The following CLPTM1L variants were observed in gnomAD, a reference collection of about 807,000 sequenced individuals.
CLPTM1L encodes lipid scramblase CLPTM1L.
In CLPTM1L, 38 loss-of-function variants were observed where a neutral mutation model predicts 70.9. The observed-to-expected ratio is 0.54, with a 90% CI of 0.41 to 0.70. The LOEUF is 0.70. CLPTM1L is among the 30% of genes least tolerant of loss of function. The probability of loss-of-function intolerance (pLI) is 0.00; values close to 1 mark genes in which losing one functional copy is unlikely to be tolerated. For synonymous variants in CLPTM1L, 339 were observed against 299.9 expected, an observed-to-expected ratio of 1.13 and a Z score of -1.35; for missense variants, 652 against 705.9, an observed-to-expected ratio of 0.92 and a Z score of 0.87.
intron 16 of CLPTM1L, chr5:1,320,327 A>G: frequency 6.0e-6 from 2 of 331,044 alleles, no homozygotes; most frequent in Non-Finnish European, 5.5e-6. Context: ...TAGGTAAATA[A>G]ATCGCTTAAG....
At chr5:1,344,541 G>A in intron 1 of CLPTM1L, 90 bp from the exon 2 acceptor site, 1 of 1,469,708 alleles carries the variant, frequency 6.8e-7, no homozygotes, top group Non-Finnish European at 9.4e-7. Flanking sequence ...CGGAAGACCT[G>A]GCCGCTGGGG....
intron 3 of CLPTM1L, among the ~76,000 whole-genome samples, chr5:1,341,047 T>C (rs1035464581): frequency 3.9e-5 from 6 of 152,244 alleles, no homozygotes; most frequent in Admixed American, 3.9e-4. Context: ...ATTACAGGCA[T>C]GAGCCACTGC....
At chr5:1,338,794 C>T (rs929628431) in intron 4 of CLPTM1L, 66 bp downstream of exon 4, 8 of 1,593,672 alleles carry the variant, frequency 5.0e-6, no homozygotes, top group Admixed American at 3.4e-5. Flanking sequence ...GACCTGCTGG[C>T]GAGTTCTGGC....
rs1442349485 is a variant in CLPTM1L at position 1,341,863 on chromosome 5, G to A, written c.264-3C>T. ...TTGGTACAGAAACATTAACTGTCCTGAAACAGAACAATCATTTCCACTACA... is the reference window on the plus strand; with the variant it reads ...TTGGTACAGAAACATTAACTGTCCTAAAACAGAACAATCATTTCCACTACA... On this transcript the variant is annotated splice_polypyrimidine_tract_variant and splice_region_variant and intron_variant, in intron 2 of 16. Coordinates refer to ENST00000320895, the MANE Select transcript of CLPTM1L (RefSeq NM_030782.5). 12 of 1,606,684 alleles carry A rather than the reference G, an allele frequency of 7.5e-6. No homozygotes were observed. The highest frequency in any genetic ancestry group is 6.6e-5 in the South Asian group (6 of 90,740).
rs1211121981 is a variant in CLPTM1L at position 1,341,867 on chromosome 5, CAG to C, written c.264-9_264-8del. On this transcript the variant is annotated splice_polypyrimidine_tract_variant and splice_region_variant and intron_variant, in intron 2 of 16. Transcript: ENST00000320895. ...TACAGAAACATTAACTGTCCTGAAACAGAACAATCATTTCCACTACATACATA... is the reference window on the plus strand; with the variant it reads ...TACAGAAACATTAACTGTCCTGAAACAACAATCATTTCCACTACATACATA... The C allele has an allele frequency of 6.2e-7, 1 of 1,604,014 alleles. No individual in the cohort carries two copies. The highest frequency in any genetic ancestry group is 1.3e-5 in the African/African-American group (1 of 74,774).
intron 3 of CLPTM1L, 29 bp from the exon 4 acceptor site, chr5:1,339,034 G>A (rs768606913): frequency 6.2e-7 from 1 of 1,604,776 alleles, no homozygotes. Flanking sequence ...AGAGGCCAAT[G>A]CTGGGACAGA....
At chr5:1,332,061 G>C in intron 7 of CLPTM1L, 178 bp from the exon 8 acceptor site, 1 of 610,762 alleles carries the variant, frequency 1.6e-6, no homozygotes. Context: ...TGCCATGTCA[G>C]AACCTAGAGT....
Position 1,342,294 on chromosome 5 carries a change from G to A in CLPTM1L, c.264-434C>T, listed in dbSNP as rs765293279. On this transcript the variant is annotated intron_variant, in intron 2 of 16. Coordinates refer to ENST00000320895, the MANE Select transcript of CLPTM1L (RefSeq NM_030782.5). The surrounding 1 kb of genome is among the most constrained non-coding windows in gnomAD (Gnocchi z 4.3). ...GGCAGCAGCCACGAGGGCTCCAGGT[G>A]CCTCGGCCCACACTACTGGAACCTC... Among the ~76,000 whole-genome samples, 1 of 152,174 alleles carries A rather than the reference G, an allele frequency of 6.6e-6. No homozygotes were observed. Among genetic ancestry groups the A allele is most frequent in the Non-Finnish European group, 1.5e-5 (1 of 68,030 alleles).
chr5:1,324,712 G>A (rs1752407138), intron 11 of CLPTM1L, 51 bp downstream of exon 11: 9 of 1,510,048 alleles, frequency 6.0e-6, no homozygotes, highest in Non-Finnish European at 8.3e-6. Flanking sequence ...CCGTCTTTGA[G>A]GGTGTTGGAT....
chr5:1,321,168 A>G (rs1471780321), intron 15 of CLPTM1L, among the ~76,000 whole-genome samples: 3 of 152,218 alleles, frequency 2.0e-5, no homozygotes, highest in Admixed American at 6.5e-5. Flanking sequence ...GAAAAGTGCA[A>G]ATCATGTCCC....
At chr5:1,333,718 C>T (rs2111237578) in intron 7 of CLPTM1L, among the ~76,000 whole-genome samples, 3 of 140,818 alleles carry the variant, frequency 2.1e-5, no homozygotes. Context: ...GGGGGGACTA[C>T]TGTATACACA....
intron 9 of CLPTM1L, among the ~76,000 whole-genome samples, chr5:1,329,407 C>T (rs186783971): frequency 2.0e-5 from 3 of 152,272 alleles, no homozygotes; most frequent in Admixed American, 6.5e-5. Context: ...GTTTGGTGGA[C>T]AGGGCCTCAG....
At chr5:1,335,389 C>G (rs1579646758) in intron 5 of CLPTM1L, among the ~76,000 whole-genome samples, 1 of 152,376 alleles carries the variant, frequency 6.6e-6, no homozygotes, top group South Asian at 2.1e-4. Flanking sequence ...TTCCCACCCC[C>G]ACCAGGACCC....
chr5:1,324,058 G>A (rs1038691060), intron 11 of CLPTM1L, 189 bp from the exon 12 acceptor site: 32 of 594,556 alleles, frequency 5.4e-5, no homozygotes, highest in Non-Finnish European at 8.4e-5. Flanking sequence ...GCCCCAGGAG[G>A]CACCGCACAC....
At position 1,340,024 on chromosome 5, in the gene CLPTM1L, CAG is replaced by C. The variant is rs963130080; in HGVS notation, c.454-1021_454-1020del. On this transcript the variant is annotated intron_variant, in intron 3 of 16. Coordinates refer to ENST00000320895, the MANE Select transcript of CLPTM1L (RefSeq NM_030782.5). The stretch of plus-strand genomic sequence containing the variant: ...CAGGCACAACCGGGGGAGAGCCCAG[CAG>C]AGAGGGCACAGCGGCCCCACAGCTG... Among the ~76,000 whole-genome samples, 68 of 152,254 alleles carry C rather than the reference CAG, an allele frequency of 4.5e-4. 1 individual carries two copies. Among genetic ancestry groups the C allele is most frequent in the Non-Finnish European group, 4.7e-4 (32 of 68,054 alleles).
At chr5:1,332,109 A>C in intron 7 of CLPTM1L, 3 of 563,742 alleles carry the variant, frequency 5.3e-6, no homozygotes, top group Non-Finnish European at 9.5e-6. Flanking sequence ...CTGAAATAAT[A>C]CGTACCTTTG....
chr5:1,325,614 C>G (rs1752477168), intron 10 of CLPTM1L, 137 bp downstream of exon 10: 1 of 712,952 alleles, frequency 1.4e-6, no homozygotes, highest in African/African-American at 1.8e-5. Flanking sequence ...GAAACCAGTG[C>G]TGCCTCCACC....
At chr5:1,330,735 T>A in intron 8 of CLPTM1L, 1 of 236,390 alleles carries the variant, frequency 4.2e-6, no homozygotes, top group Non-Finnish European at 8.2e-6. Context: ...TGCGTGGCTT[T>A]TCAAGTCTGG....
Position 1,344,406 on chromosome 5 carries a change from T to G in CLPTM1L, c.208A>C (p.Asn70His), listed in dbSNP as rs1215266063. The G allele has an allele frequency of 1.2e-6, 2 of 1,613,890 alleles. No individual in the cohort carries two copies. The highest frequency in any genetic ancestry group is 2.2e-5 in the South Asian group (2 of 91,086). ...TTRSHLGAEN[N>H]IDLVLNVEDF... ...TCCACATTCAAGACCAGGTCGATGT[T>G]GTTCTCAGCACCCAGGTGGGACCTC... The change falls in exon 2 of 17, where the codon AAC becomes CAC. Residue 70 changes from asparagine (N) to histidine (H), a missense_variant. Transcript: ENST00000320895.
Sources: allele counts gnomAD v4.1 joint callset (sites outside exome capture counted in the v4.1 genomes callset), GRCh38; gene constraint gnomAD v4.1.1; non-coding constraint Gnocchi (gnomAD v3.1); transcripts MANE v1.5; gene names NCBI Gene and HGNC (gene_info 2026-07-23, HGNC 2026-07-21).